The following SDK2 variants were observed in gnomAD, a reference collection of about 807,000 sequenced individuals.
SDK2 encodes the protein protein sidekick-2.
In SDK2, 105 loss-of-function variants were observed where a neutral mutation model predicts 253.9. The ratio of observed to expected loss-of-function variants is 0.41; its 90% confidence interval spans 0.35 to 0.49. The LOEUF (loss-of-function observed/expected upper bound fraction) is 0.49. SDK2 is among the 20% of genes least tolerant of loss of function. SDK2 has a pLI of 0.06. For missense variants in SDK2, 2,608 were observed against 3,003.0 expected, an observed-to-expected ratio of 0.87 and a Z score of 3.07; for synonymous variants, 1,249 against 1,234.9, an observed-to-expected ratio of 1.01 and a Z score of -0.24.
intron 32 of SDK2, among the ~76,000 whole-genome samples, chr17:73,384,775 C>A (rs1395210170): frequency 6.6e-6 from 1 of 152,148 alleles, no homozygotes; most frequent in Non-Finnish European, 1.5e-5. Flanking sequence ...AAGATTGAAC[C>A]ACTGTACTCC....
rs144145338 is a variant in SDK2 at position 73,420,991 on chromosome 17, G to A, written c.2045+1296C>T. Among the ~76,000 whole-genome samples, 1,011 of 152,312 alleles carry A rather than the reference G, an allele frequency of 6.6e-3. 5 individuals are homozygous for A. The highest frequency in any genetic ancestry group is 0.02 in the Middle Eastern group (6 of 294). The stretch of plus-strand genomic sequence containing the variant: ...GGCCTTTTTCTTGGTGACTCAGGGC[G>A]GTTTGCATGAAGGTACATTAGGAAG... On this transcript the variant is annotated intron_variant, in intron 15 of 44. Coordinates refer to ENST00000392650, the MANE Select transcript of SDK2 (RefSeq NM_001144952.2).
chr17:73,490,416 C>T (rs1055723032), intron 2 of SDK2, among the ~76,000 whole-genome samples: 1 of 152,018 alleles, frequency 6.6e-6, no homozygotes, highest in African/African-American at 2.4e-5. Context: ...ATTGGGTATT[C>T]CACTTGCTGT....
rs148557974 is a variant in SDK2 at position 73,428,596 on chromosome 17, C to G, written c.1583+1915G>C. Among the ~76,000 whole-genome samples, 468 of 152,282 alleles carry G rather than the reference C, an allele frequency of 3.1e-3. 4 individuals are homozygous for G. Among genetic ancestry groups the G allele is most frequent in the Non-Finnish European group, 5.6e-3 (381 of 68,022 alleles). On this transcript the variant is annotated intron_variant, in intron 12 of 44. Transcript: ENST00000392650. ...AAACCGCAGTTACGTTTGCACCCAC[C>G]TAATAGTCTGCTTAGGGAACCCTGC... is the stretch of plus-strand genomic sequence containing the variant.
intron 2 of SDK2, among the ~76,000 whole-genome samples, chr17:73,507,066 C>A (rs547318796): frequency 6.6e-6 from 1 of 152,368 alleles, no homozygotes; most frequent in East Asian, 1.9e-4. Flanking sequence ...CCAGGCCCCA[C>A]AACAAGAGTC....
Position 73,465,215 on chromosome 17 carries a change from A to G in SDK2, c.331+6897T>C, listed in dbSNP as rs1372417691. ...ATGACAGCGGGCTTGTTCCCCTCCA[A>G]TTGTCTTTTGTAGGAGTGGCTGCTA... On this transcript the variant is annotated intron_variant, in intron 3 of 44. Coordinates refer to ENST00000392650, the MANE Select transcript of SDK2 (RefSeq NM_001144952.2). This position sits in a 1 kb window ranked among gnomAD's most constrained non-coding sequence, Gnocchi z 4.2. Among the ~76,000 whole-genome samples, 2 of 145,986 alleles carry G rather than the reference A, an allele frequency of 1.4e-5. No homozygotes were observed. The highest frequency in any genetic ancestry group is 3.0e-5 in the Non-Finnish European group (2 of 67,150).
chr17:73,410,774 C>G (rs1399075691), intron 18 of SDK2, among the ~76,000 whole-genome samples: 1 of 152,230 alleles, frequency 6.6e-6, no homozygotes, highest in Non-Finnish European at 1.5e-5. Flanking sequence ...GGGCAATTCA[C>G]TCCTGCTGAC....
At chr17:73,508,973 C>T (rs906204973) in intron 1 of SDK2, among the ~76,000 whole-genome samples, 7 of 152,232 alleles carry the variant, frequency 4.6e-5, no homozygotes, top group Non-Finnish European at 8.8e-5. Context: ...AGGCAGCAGC[C>T]GGCGGGGAGG....
At chr17:73,631,786 G>A (rs2046274245) in intron 1 of SDK2, among the ~76,000 whole-genome samples, 1 of 152,234 alleles carries the variant, frequency 6.6e-6, no homozygotes, top group South Asian at 2.1e-4. Flanking sequence ...TCTTCTGGGA[G>A]CCTCAGCTCT....
chr17:73,484,114 G>A (rs1387644591), intron 2 of SDK2, among the ~76,000 whole-genome samples: 3 of 152,174 alleles, frequency 2.0e-5, no homozygotes, highest in Non-Finnish European at 2.9e-5. Context: ...CCGGCTCGGG[G>A]AGGAAAGCCT....
chr17:73,560,431 C>G (rs944919082), intron 1 of SDK2, among the ~76,000 whole-genome samples: 1 of 152,230 alleles, frequency 6.6e-6, no homozygotes, highest in African/African-American at 2.4e-5. Context: ...ACCTCCACCT[C>G]CCAGATTCAA....
At chr17:73,399,919 G>A (rs754013017) in intron 21 of SDK2, among the ~76,000 whole-genome samples, 15 of 152,142 alleles carry the variant, frequency 9.9e-5, no homozygotes, top group Non-Finnish European at 1.5e-5. Flanking sequence ...GTCCTCCTTG[G>A]TAATGAAGAG....
chr17:73,635,923 C>G (rs1036869875), intron 1 of SDK2, among the ~76,000 whole-genome samples: 3 of 152,138 alleles, frequency 2.0e-5, no homozygotes, highest in Non-Finnish European at 4.4e-5. Context: ...AGTGAGGACA[C>G]AGCCAGGGTG....
chr17:73,565,848 G>A (rs2045303786), intron 1 of SDK2, among the ~76,000 whole-genome samples: 1 of 152,104 alleles, frequency 6.6e-6, no homozygotes, highest in South Asian at 2.1e-4. Flanking sequence ...TTTTTGAGAT[G>A]GAGTCTGGCC....
Position 73,352,573 on chromosome 17 carries a change from G to A in SDK2, c.5658C>T (p.Ser1886=). 1 of 1,614,048 alleles carries A rather than the reference G, an allele frequency of 6.2e-7. No individual in the cohort carries two copies. Among genetic ancestry groups the A allele is most frequent in the Non-Finnish European group, 8.5e-7 (1 of 1,179,884 alleles). The change falls in exon 41 of 45, where the codon AGC becomes AGT. Residue 1886 remains serine (S), a synonymous_variant. Coordinates refer to ENST00000392650, the MANE Select transcript of SDK2 (RefSeq NM_001144952.2). The surrounding 1 kb of genome is among the most constrained non-coding windows in gnomAD (Gnocchi z 4.1). ...TCACGCCCGGCTTCAGGATGTCCAT[G>A]CTGAACGTGTAGGAGCTCACCTCCT... The part of the protein sequence containing the change: ...IPKEVSSYTF[S]MDILKPGVSY...
At chr17:73,386,594 G>T in intron 30 of SDK2, 46 bp from the exon 31 acceptor site, 3 of 1,366,760 alleles carry the variant, frequency 2.2e-6, no homozygotes, top group Non-Finnish European at 3.1e-6. Flanking sequence ...CTCCTTAAAG[G>T]CCTCGCCCCA....
At chr17:73,611,665 A>G (rs2045976613) in intron 1 of SDK2, among the ~76,000 whole-genome samples, 1 of 152,200 alleles carries the variant, frequency 6.6e-6, no homozygotes, top group African/African-American at 2.4e-5. Context: ...CCTCATGGCC[A>G]GTCATGCTGC....
At chr17:73,585,333 C>T (rs1599702173) in intron 1 of SDK2, among the ~76,000 whole-genome samples, 1 of 152,322 alleles carries the variant, frequency 6.6e-6, no homozygotes, top group East Asian at 1.9e-4. Context: ...CAAGGCCAGG[C>T]TTTTCTCTGC....
chr17:73,601,686 A>G (rs1299970275), intron 1 of SDK2, among the ~76,000 whole-genome samples: 3 of 152,202 alleles, frequency 2.0e-5, no homozygotes, highest in African/African-American at 4.8e-5. Context: ...TGGAGTCTCC[A>G]GAAGGAACCA....
rs546417464 is a variant in SDK2, at chr17:73,639,667, A to G, written c.64+4358T>C. On this transcript the variant is annotated intron_variant, in intron 1 of 44. Coordinates refer to ENST00000392650, the MANE Select transcript of SDK2 (RefSeq NM_001144952.2). The surrounding 1 kb of genome is among the most constrained non-coding windows in gnomAD (Gnocchi z 4.3). Reference sequence around the variant, plus strand: ...CGCAGGGCGCACACTAACACCCGACATCAATTCCAACTCAGCCTCCTGCCT... The same window carrying G: ...CGCAGGGCGCACACTAACACCCGACGTCAATTCCAACTCAGCCTCCTGCCT... Among the ~76,000 whole-genome samples, 50 of 152,214 alleles carry G rather than the reference A, an allele frequency of 3.3e-4. No homozygotes were observed. In the South Asian group the frequency reaches 4.4e-3, roughly 13 times the overall value.
Sources: allele counts gnomAD v4.1 joint callset (sites outside exome capture counted in the v4.1 genomes callset), GRCh38; gene constraint gnomAD v4.1.1; non-coding constraint Gnocchi (gnomAD v3.1); transcripts MANE v1.5; gene names NCBI Gene and HGNC (gene_info 2026-07-23, HGNC 2026-07-21).